TMEM165: variants seen among roughly 807,000 people sequenced by gnomAD.
TMEM165 encodes putative divalent cation/proton antiporter TMEM165.
TMEM165 carries 19 observed loss-of-function variants against 30.0 expected under a neutral mutation model. That is an observed-to-expected ratio of 0.63 (90% confidence interval 0.44 to 0.93). The LOEUF (loss-of-function observed/expected upper bound fraction) is 0.93, where lower values mean the gene tolerates loss of function less well. Ranked by LOEUF, TMEM165 falls within the 40% of genes least tolerant of loss-of-function variation. The probability of loss-of-function intolerance (pLI) is 0.00; values close to 1 mark genes in which losing one functional copy is unlikely to be tolerated. For synonymous variants in TMEM165, 168 were observed against 162.9 expected (o/e 1.03, Z -0.24); for missense variants, 340 against 417.0 (o/e 0.82, Z 1.61).
At chr4:55,446,331 C>T (rs1723848741) in intron 3 of TMEM165, among the ~76,000 whole-genome samples, 1 of 152,076 alleles carries the variant, frequency 6.6e-6, no homozygotes, top group Admixed American at 6.6e-5. Flanking sequence ...TCAGGCAATC[C>T]TCCCACAAGC....
intron 1 of TMEM165, among the ~76,000 whole-genome samples, chr4:55,405,250 G>C (rs7661096): frequency 0.036 from 5,531 of 152,208 alleles, 344 homozygotes; most frequent in African/African-American, 0.13. Flanking sequence ...CACTTTAAGT[G>C]AAATGACATC....
chr4:55,434,223 T>TC (rs111662157), intron 3 of TMEM165: 4 of 152,716 alleles, frequency 2.6e-5, no homozygotes, highest in African/African-American at 7.2e-5. Context: ...TGGGGTTTTT[T>TC]CCCCTCAAAT....
rs964738566 is a variant in TMEM165, at chr4:55,395,998, CG to C, written c.-188del. ...CCGCCGGAGAGGACGGGCGCCGAGC[CG>C]GGGCTGCGGACTTCGGCCTGCCCCT... is the stretch of plus-strand genomic sequence containing the variant. On this transcript the variant is annotated 5_prime_UTR_variant, in exon 1 of 6. Coordinates refer to ENST00000381334, the MANE Select transcript of TMEM165 (RefSeq NM_018475.5). 1.7e-5 allele frequency: 7 copies of C among 405,446 alleles called. No individual in the cohort carries two copies. The highest frequency in any genetic ancestry group is 1.0e-4 in the African/African-American group (5 of 47,626). 25.1% of individuals were successfully genotyped at this position (405,446 alleles called of 1,614,324 possible).
chr4:55,396,928 C>T (rs539219524), intron 1 of TMEM165, among the ~76,000 whole-genome samples: 1 of 152,238 alleles, frequency 6.6e-6, no homozygotes, highest in Admixed American at 6.5e-5. Context: ...CCTTTAGGAA[C>T]GCAGAGGAAT....
intron 1 of TMEM165, among the ~76,000 whole-genome samples, chr4:55,398,597 G>A (rs1412692508): frequency 6.6e-6 from 1 of 151,952 alleles, no homozygotes; most frequent in Non-Finnish European, 1.5e-5. Context: ...TCCTTTTTTG[G>A]GAACTTTATT....
exon 4 of TMEM165, chr4:55,452,613 A>G (rs990810669): frequency 5.4e-6 from 1 of 183,760 alleles, no homozygotes; most frequent in Non-Finnish European, 1.1e-5. Flanking sequence ...TATACTTCTG[A>G]CCTGATATAA....
downstream of TMEM165, chr4:55,428,038 ATTTT>A (rs1578249109): frequency 6.6e-6 from 1 of 152,188 alleles, no homozygotes; most frequent in African/African-American, 2.4e-5. Context: ...GCACTGAGGT[ATTTT>A]TTATTTTTAA....
chr4:55,435,666 C>T, intron 3 of TMEM165: 1 of 1,468,276 alleles, frequency 6.8e-7, no homozygotes, highest in Non-Finnish European at 9.5e-7. Flanking sequence ...TACTCACACT[C>T]TCCCCTGTCC....
Position 55,396,493 on chromosome 4 carries a change from G to C in TMEM165, c.207+97G>C, listed in dbSNP as rs915857525. 526 of 1,113,078 alleles carry C rather than the reference G, an allele frequency of 4.7e-4. 1 individual carries two copies. The highest frequency in any genetic ancestry group is 5.6e-4 in the Non-Finnish European group (475 of 846,890). The allele number at this position is 1,113,078 out of a possible 1,614,324, so 69.0% of individuals were successfully genotyped here. A position where few individuals can be genotyped will look rare whatever the true frequency, so the allele number is the denominator to read the frequency against. ...AAAGCGCCGCACTCCGCCGGCCTCG[G>C]CTGGGGGAGGGGAGCCCGGCCCCTG... On this transcript the variant is annotated intron_variant, in intron 1 of 5. Transcript: ENST00000381334.
chr4:55,429,543 AG>A (rs1722378539), downstream of TMEM165: 1 of 152,232 alleles, frequency 6.6e-6, no homozygotes, highest in Non-Finnish European at 1.5e-5. Flanking sequence ...TTTTTGTAGA[AG>A]TTTACAGCCT....
intron 2 of TMEM165, among the ~76,000 whole-genome samples, chr4:55,413,808 G>A (rs1721611003): frequency 6.6e-6 from 1 of 152,062 alleles, no homozygotes; most frequent in South Asian, 2.1e-4. Flanking sequence ...ATATATACAC[G>A]TTGTTTACAT....
At chr4:55,410,213 C>G (rs140513478) in intron 1 of TMEM165, among the ~76,000 whole-genome samples, 4 of 152,298 alleles carry the variant, frequency 2.6e-5, no homozygotes, top group East Asian at 3.9e-4. Context: ...GTTTTAGAGT[C>G]TGACATCTGC....
At chr4:55,450,050 GTTACT>G (rs1243762276) in intron 3 of TMEM165, 3 of 1,610,826 alleles carry the variant, frequency 1.9e-6, no homozygotes, top group Non-Finnish European at 2.5e-6. Context: ...AGTTTAGTTA[GTTACT>G]TTAAAGGAAG....
chr4:55,424,925 T>C (rs112373897), intron 5 of TMEM165: 1 of 403,484 alleles, frequency 2.5e-6, no homozygotes, highest in Non-Finnish European at 4.4e-6. Context: ...TGAGAAGTTT[T>C]TGGCTCTAAA....
chr4:55,444,875 T>A (rs1467839184), intron 3 of TMEM165: 1 of 1,314,192 alleles, frequency 7.6e-7, no homozygotes, highest in Non-Finnish European at 1.1e-6. Context: ...CAGTATAACA[T>A]GAGTGAAGGA....
chr4:55,444,643 T>C (rs139335390), intron 3 of TMEM165: 4 of 1,613,970 alleles, frequency 2.5e-6, no homozygotes, highest in Admixed American at 1.7e-5. Context: ...CTGCAGCCCC[T>C]GACCATGGAC....
At position 55,449,277 on chromosome 4, in the gene TMEM165, C is replaced by T. The variant is rs1215509483; in HGVS notation, c.409-2962C>T. ...GAAGTCTTAAGTAAGTGTCACATAT[C>T]AGTAACTATTTTGATCTTTACAAAG... On this transcript the variant is annotated intron_variant, in intron 3 of 3. Coordinates refer to the TMEM165 transcript ENST00000608091. The T allele has an allele frequency of 6.8e-6, 6 of 882,356 alleles. No individual in the cohort carries two copies. In the East Asian group the frequency reaches 1.5e-4, roughly 22 times the overall value. The allele number at this position is 882,356 out of a possible 1,614,324, so 54.7% of individuals were successfully genotyped here. A position where few individuals can be genotyped will look rare whatever the true frequency, so the allele number is the denominator to read the frequency against.
At chr4:55,448,873 A>G in intron 3 of TMEM165, 1 of 1,608,150 alleles carries the variant, frequency 6.2e-7, no homozygotes, top group Non-Finnish European at 8.5e-7. Context: ...TATGGACTAG[A>G]GCAAAATAAA....
chr4:55,418,918 G>T (rs1721852413), intron 4 of TMEM165, among the ~76,000 whole-genome samples: 1 of 151,948 alleles, frequency 6.6e-6, no homozygotes, highest in African/African-American at 2.4e-5. Context: ...GGTGGCTCAT[G>T]CCTGTAATCT....
Sources: gnomAD v4.1 joint callset for allele counts (sites outside exome capture counted in the v4.1 genomes callset) on GRCh38, gnomAD v4.1.1 for gene constraint, MANE v1.5 for transcripts, NCBI Gene and HGNC (gene_info 2026-07-23, HGNC 2026-07-21) for gene names.